The following NFIC variants were observed in gnomAD, a reference collection of about 807,000 sequenced individuals.
NFIC encodes nuclear factor I C.
NFIC carries 12 observed loss-of-function variants against 54.4 expected under a neutral mutation model. That is an observed-to-expected ratio of 0.22 (90% confidence interval 0.14 to 0.36). The LOEUF is 0.36. NFIC is among the 10% of genes least tolerant of loss of function. NFIC has a pLI of 1.00. For synonymous variants in NFIC, 322 were observed against 319.2 expected, an observed-to-expected ratio of 1.01 and a Z score of -0.09; for missense variants, 575 against 718.2, an observed-to-expected ratio of 0.80 and a Z score of 2.28.
At chr19:3,384,397 TC>T (rs2081260432) in intron 2 of NFIC, among the ~76,000 whole-genome samples, 4 of 151,626 alleles carry the variant, frequency 2.6e-5, no homozygotes, top group Admixed American at 2.0e-4. Context: ...TTTTTTTCTT[TC>T]TTTTTTTGGA....
chr19:3,365,688 G>A (rs1446267917), upstream of NFIC, among the ~76,000 whole-genome samples: 1 of 152,222 alleles, frequency 6.6e-6, no homozygotes, highest in Non-Finnish European at 1.5e-5. Context: ...GGATACCCAG[G>A]GGGAGGCTGC....
At chr19:3,404,144 C>A (rs931292528) in intron 2 of NFIC, among the ~76,000 whole-genome samples, 8 of 152,264 alleles carry the variant, frequency 5.3e-5, no homozygotes, top group South Asian at 2.1e-4. Context: ...TTCTCCCCCC[C>A]CCGTCACAGC....
intron 6 of NFIC, among the ~76,000 whole-genome samples, chr19:3,441,709 G>A (rs530513883): frequency 2.0e-5 from 3 of 152,338 alleles, no homozygotes; most frequent in South Asian, 4.1e-4. Flanking sequence ...GGGCCGGAGG[G>A]GCTGGGGGCA....
chr19:3,370,624 C>G lies in NFIC; in HGVS notation c.30+3958C>G, dbSNP rs542113627. ...CTCTCCCCGTCTCCCTTCTCTCCCT[C>G]TCTCCTTCTCTCTTCTCTCTCTCTT... On this transcript the variant is annotated intron_variant, in intron 1 of 10. Transcript: ENST00000443272. The surrounding 1 kb of genome is among the most constrained non-coding windows in gnomAD (Gnocchi z 5.2). 2.0e-5 allele frequency among the ~76,000 whole-genome samples: 3 copies of G among 151,226 alleles called. No homozygotes were observed. The highest frequency in any genetic ancestry group is 4.9e-5 in the African/African-American group (2 of 41,144).
At chr19:3,451,129 C>T (rs1369602709) in intron 7 of NFIC, among the ~76,000 whole-genome samples, 1 of 152,126 alleles carries the variant, frequency 6.6e-6, no homozygotes, top group African/African-American at 2.4e-5. Flanking sequence ...ATGACTCAGC[C>T]ATGAAAACGC....
Position 3,466,047 on chromosome 19 carries a change from A to G in NFIC, c.*3278A>G, listed in dbSNP as rs1050538110. Reference sequence around the variant, plus strand: ...GTATCCTGTATGAAACAAAAACAAAACCTGATATATGCAATATCTGTCTGT... The same window carrying G: ...GTATCCTGTATGAAACAAAAACAAAGCCTGATATATGCAATATCTGTCTGT... On this transcript the variant is annotated 3_prime_UTR_variant, in exon 11 of 11. Coordinates refer to ENST00000443272, the MANE Select transcript of NFIC (RefSeq NM_001245002.2). This position sits in a 1 kb window ranked among gnomAD's most constrained non-coding sequence, Gnocchi z 4.8. 1 of 151,748 alleles carries G rather than the reference A, an allele frequency of 6.6e-6. No individual in the cohort carries two copies. The highest frequency in any genetic ancestry group is 1.5e-5 in the Non-Finnish European group (1 of 67,940). The allele number at this position is 151,748 out of a possible 1,614,324, so 9.4% of individuals were successfully genotyped here. A position where few individuals can be genotyped will look rare whatever the true frequency, so the allele number is the denominator to read the frequency against.
intron 2 of NFIC, among the ~76,000 whole-genome samples, chr19:3,422,349 C>T (rs571501561): frequency 7.3e-4 from 110 of 150,710 alleles, no homozygotes; most frequent in Non-Finnish European, 1.2e-3. Context: ...GCTGAGATTA[C>T]AGGCGTGAGC....
At chr19:3,462,647 G>C in intron 10 of NFIC, 105 bp from the exon 11 acceptor site, 2 of 1,287,674 alleles carry the variant, frequency 1.6e-6, no homozygotes, top group South Asian at 2.4e-5. Flanking sequence ...CAGGAGGTGG[G>C]GGGTGAGCGT....
chr19:3,404,416 G>A (rs1414036107), intron 2 of NFIC, among the ~76,000 whole-genome samples: 1 of 152,130 alleles, frequency 6.6e-6, no homozygotes, highest in Non-Finnish European at 1.5e-5. Flanking sequence ...TAATGGGGAG[G>A]GGGCGCGGAG....
intron 3 of NFIC, among the ~76,000 whole-genome samples, chr19:3,426,652 TG>T (rs970568274): frequency 6.6e-6 from 1 of 152,094 alleles, no homozygotes; most frequent in Non-Finnish European, 1.5e-5. Context: ...CACAAGGCCC[TG>T]CACAACCTGT....
rs760021279 is a variant in NFIC, at chr19:3,453,759, CCA to C, written c.1270-3_1270-2del. 1.9e-6 allele frequency: 3 copies of C among 1,599,832 alleles called. No homozygotes were observed. In the East Asian group the frequency reaches 7.0e-5, roughly 37 times the overall value. On this transcript the variant is annotated splice_acceptor_variant and splice_polypyrimidine_tract_variant and intron_variant, in intron 8 of 10. Transcript: ENST00000443272. LOFTEE classifies it high-confidence loss of function. The surrounding 1 kb of genome is among the most constrained non-coding windows in gnomAD (Gnocchi z 6.7). Reference sequence around the variant, plus strand: ...CTTAACCACGTGTCTCTCTGTTCCCCCAGTTAAATGGAAGTGGTCAGCTCAAA... The same window carrying C: ...CTTAACCACGTGTCTCTCTGTTCCCCGTTAAATGGAAGTGGTCAGCTCAAA...
chr19:3,418,099 C>CT (rs778206013), intron 2 of NFIC, among the ~76,000 whole-genome samples: 1,415 of 132,438 alleles, frequency 0.011, 18 homozygotes, highest in South Asian at 0.032. Flanking sequence ...ATTTTCTTTT[C>CT]TTTTTTTTTT....
chr19:3,366,792 GC>G (rs534551211), intron 1 of NFIC, 126 bp downstream of exon 1: 2 of 600,280 alleles, frequency 3.3e-6, no homozygotes, highest in Non-Finnish European at 5.3e-6. Context: ...TGCCCGGGAT[GC>G]CCCCCGCGCC....
chr19:3,447,113 A>G (rs1384814973), intron 6 of NFIC, among the ~76,000 whole-genome samples: 2 of 152,132 alleles, frequency 1.3e-5, no homozygotes, highest in Non-Finnish European at 2.9e-5. Context: ...AGCCTGGCCA[A>G]CATGGTGAAA....
intron 1 of NFIC, among the ~76,000 whole-genome samples, chr19:3,372,424 AG>A (rs1345745030): frequency 6.6e-6 from 1 of 152,088 alleles, no homozygotes; most frequent in South Asian, 2.1e-4. Flanking sequence ...TGCATGGATA[AG>A]GGGGGTCCCA....
upstream of NFIC, among the ~76,000 whole-genome samples, chr19:3,364,158 TG>T (rs1177484194): frequency 3.6e-5 from 5 of 140,778 alleles, no homozygotes; most frequent in Non-Finnish European, 7.9e-5. Context: ...GAGAGTGCTT[TG>T]AAAAAAAAAA....
At position 3,463,292 on chromosome 19, in the gene NFIC, C is replaced by A; in HGVS notation, c.*523C>A. 1 of 989,292 alleles carries A rather than the reference C, an allele frequency of 1.0e-6. No homozygotes were observed. The highest frequency in any genetic ancestry group is 1.2e-6 in the Non-Finnish European group (1 of 832,922). The allele number at this position is 989,292 out of a possible 1,614,324, so 61.3% of individuals were successfully genotyped here. ...CCCGGGCCCCCGCGCCTCTGCCGGA[C>A]ACGGACCGGCCCCTCAGCCCCCACC... On this transcript the variant is annotated 3_prime_UTR_variant, in exon 11 of 11. Coordinates refer to ENST00000443272, the MANE Select transcript of NFIC (RefSeq NM_001245002.2).
chr19:3,444,415 AGATGGG>A (rs1214104073), intron 6 of NFIC, among the ~76,000 whole-genome samples: 10 of 152,200 alleles, frequency 6.6e-5, no homozygotes, highest in Admixed American at 6.5e-4. Context: ...ATGGCCACTG[AGATGGG>A]CGGGGGACGC....
At chr19:3,436,822 G>T (rs532078072) in intron 6 of NFIC, among the ~76,000 whole-genome samples, 8 of 152,264 alleles carry the variant, frequency 5.3e-5, no homozygotes, top group African/African-American at 1.7e-4. Flanking sequence ...TAAGAGGTCA[G>T]ATTCAGGCAT....
Sources: allele counts gnomAD v4.1 joint callset (sites outside exome capture counted in the v4.1 genomes callset), GRCh38; gene constraint gnomAD v4.1.1; non-coding constraint Gnocchi (gnomAD v3.1); transcripts MANE v1.5; gene names NCBI Gene and HGNC (gene_info 2026-07-23, HGNC 2026-07-21).